The following TSN variants were observed in gnomAD, a reference collection of about 807,000 sequenced individuals.
The protein encoded by TSN is component 3 of promoter of RISC.
In TSN, 5 loss-of-function variants were observed where a neutral mutation model predicts 29.4. The observed-to-expected ratio is 0.17, with a 90% CI of 0.09 to 0.36. TSN has a LOEUF of 0.36. Among genes scored for constraint, TSN ranks in the 10% least tolerant of loss-of-function variants. The pLI is 1.00. For synonymous variants in TSN, 106 were observed against 102.2 expected, an observed-to-expected ratio of 1.04 and a Z score of -0.23; for missense variants, 159 against 272.8, an observed-to-expected ratio of 0.58 and a Z score of 2.94.
At chr2:121,763,952 C>G (rs893104956) in intron 5 of TSN, among the ~76,000 whole-genome samples, 17 of 152,182 alleles carry the variant, frequency 1.1e-4, no homozygotes, top group African/African-American at 4.1e-4. Flanking sequence ...ATCTTTGGCC[C>G]TAGGTTCTTC....
At chr2:121,757,641 T>G (rs1476189448) in intron 2 of TSN, 3 of 268,286 alleles carry the variant, frequency 1.1e-5, no homozygotes, top group Non-Finnish European at 2.1e-5. Context: ...GGGAAAAGGG[T>G]TTATTATTAT....
chr2:121,756,433 T>C (rs1463144873), intron 1 of TSN: 3 of 258,074 alleles, frequency 1.2e-5, no homozygotes, highest in Non-Finnish European at 2.5e-5. Flanking sequence ...AAGCGATCTA[T>C]TTCCTGTTAT....
chr2:121,759,737 CT>C (rs774541227), intron 3 of TSN, among the ~76,000 whole-genome samples: 2 of 152,092 alleles, frequency 1.3e-5, no homozygotes, highest in Non-Finnish European at 2.9e-5. Flanking sequence ...AAAAGATGTT[CT>C]TTTAAGACGT....
chr2:121,761,015 G>A (rs972528325), intron 3 of TSN, among the ~76,000 whole-genome samples: 4 of 151,728 alleles, frequency 2.6e-5, no homozygotes, highest in South Asian at 2.1e-4. Context: ...GACTATGGGC[G>A]CCTGCCACCA....
intron 3 of TSN, among the ~76,000 whole-genome samples, chr2:121,761,044 A>AT (rs1214704509): frequency 1.3e-5 from 2 of 151,580 alleles, no homozygotes; most frequent in African/African-American, 4.8e-5. Context: ...TAATTTTTGT[A>AT]TTTTTAGTAG....
At position 121,755,706 on chromosome 2, in the gene TSN, T is replaced by TGC; in HGVS notation, c.-71_-70dup. 6.3e-7 allele frequency: 1 copy of TGC among 1,587,486 alleles called. No homozygotes were observed. The highest frequency in any genetic ancestry group is 8.6e-7 in the Non-Finnish European group (1 of 1,165,232). On this transcript the variant is annotated 5_prime_UTR_variant, in exon 1 of 6. Transcript: ENST00000389682. ...GGTAGCGGCGGCCGTTGCGATTGAT[T>TGC]GCGCTGGTTGCCTGCGGCGTCCACT...
chr2:121,767,797 G>A lies in TSN; in HGVS notation c.*2430G>A, dbSNP rs1218036636. On this transcript the variant is annotated 3_prime_UTR_variant, in exon 6 of 6. Coordinates refer to ENST00000389682, the MANE Select transcript of TSN (RefSeq NM_004622.3). The stretch of plus-strand genomic sequence containing the variant: ...AAACATGCAGGTCGCTACTGGCATA[G>A]TTTCATAATTGTGTACTCGGAAATT... 6.6e-6 allele frequency: 1 copy of A among 152,180 alleles called. No individual in the cohort carries two copies. The highest frequency in any genetic ancestry group is 2.4e-5 in the African/African-American group (1 of 41,440). 9.4% of individuals were successfully genotyped at this position (152,180 alleles called of 1,614,324 possible). A position where few individuals can be genotyped will look rare whatever the true frequency, so the allele number is the denominator to read the frequency against.
At chr2:121,757,907 C>A (rs893279532) in intron 2 of TSN, among the ~76,000 whole-genome samples, 1 of 152,040 alleles carries the variant, frequency 6.6e-6, no homozygotes, top group African/African-American at 2.4e-5. Context: ...CTCAGATGAT[C>A]CGCCTGGCTG....
At chr2:121,756,202 C>G (rs1165190746) in intron 1 of TSN, 1 of 303,966 alleles carries the variant, frequency 3.3e-6, no homozygotes, top group Non-Finnish European at 6.4e-6. Context: ...TTAAAACTCT[C>G]CTGTGATTTC....
intron 1 of TSN, 38 bp downstream of exon 1, chr2:121,755,883 A>G (rs775336517): frequency 3.8e-5 from 61 of 1,612,206 alleles, no homozygotes; most frequent in Middle Eastern, 1.7e-4. Context: ...TTGCCTTTCC[A>G]TGCCTAGTTG....
intron 4 of TSN, 148 bp from the exon 5 acceptor site, chr2:121,762,857 G>T: frequency 1.6e-6 from 1 of 621,314 alleles, no homozygotes; most frequent in Non-Finnish European, 2.6e-6. Context: ...GTGAGGTCTA[G>T]TTGCCAAGGT....
At chr2:121,755,871 C>G in intron 1 of TSN, 26 bp downstream of exon 1, 1 of 1,613,806 alleles carries the variant, frequency 6.2e-7, no homozygotes, top group Non-Finnish European at 8.5e-7. Context: ...TCCCCATTCC[C>G]TTTGCCTTTC....
intron 3 of TSN, among the ~76,000 whole-genome samples, chr2:121,760,357 G>C (rs540803343): frequency 6.6e-6 from 1 of 152,302 alleles, no homozygotes; most frequent in African/African-American, 2.4e-5. Flanking sequence ...ACCAGTCCCT[G>C]GTGTTGAAAA....
chr2:121,756,284 CTCTG>C (rs1458220101), intron 1 of TSN: 3 of 243,450 alleles, frequency 1.2e-5, no homozygotes, highest in Non-Finnish European at 2.5e-5. Flanking sequence ...CGTTTATGCT[CTCTG>C]TCTTTGTGTA....
intron 3 of TSN, 58 bp from the exon 4 acceptor site, chr2:121,761,351 A>T: frequency 1.6e-6 from 2 of 1,251,538 alleles, no homozygotes; most frequent in South Asian, 1.2e-5. Flanking sequence ...GGCTGTATTA[A>T]ACCCATCTTT....
intron 1 of TSN, chr2:121,756,637 C>T (rs1209056926): frequency 5.4e-6 from 7 of 1,296,510 alleles, no homozygotes; most frequent in Non-Finnish European, 7.1e-6. Flanking sequence ...GGGAGCGGCG[C>T]CTCATGCCTG....
intron 4 of TSN, 85 bp from the exon 5 acceptor site, chr2:121,762,920 C>T: frequency 7.9e-7 from 1 of 1,258,668 alleles, no homozygotes; most frequent in Non-Finnish European, 1.1e-6. Context: ...TCTTCACTTA[C>T]TTTGGGAGAA....
At chr2:121,758,015 T>TTGTGTG (rs963979931) in intron 2 of TSN, among the ~76,000 whole-genome samples, 10 of 150,248 alleles carry the variant, frequency 6.7e-5, no homozygotes, top group African/African-American at 2.4e-4. Flanking sequence ...ATTTGGCCCT[T>TTGTGTG]TGTGTGTGTG....
chr2:121,756,444 G>C (rs1444025433), intron 1 of TSN: 2 of 251,218 alleles, frequency 8.0e-6, no homozygotes, highest in African/African-American at 2.4e-5. Context: ...TTCCTGTTAT[G>C]TTTTCTAGTA....
Sources: allele counts gnomAD v4.1 joint callset (sites outside exome capture counted in the v4.1 genomes callset), GRCh38; gene constraint gnomAD v4.1.1; transcripts MANE v1.5; gene names NCBI Gene and HGNC (gene_info 2026-07-23, HGNC 2026-07-21).